The following AGBL3 variants were observed in gnomAD, a reference collection of about 807,000 sequenced individuals.
AGBL3 encodes cytosolic carboxypeptidase 3.
A neutral mutation model predicts 94.5 loss-of-function variants in AGBL3; 68 were observed. That is an observed-to-expected ratio of 0.72 (90% CI 0.59 to 0.88). The LOEUF (loss-of-function observed/expected upper bound fraction) is 0.88. Among genes scored for constraint, AGBL3 ranks in the 40% least tolerant of loss-of-function variants. The pLI, the probability that AGBL3 is intolerant of heterozygous loss-of-function variation, is 0.00. For synonymous variants in AGBL3, 354 were observed against 370.7 expected, an observed-to-expected ratio of 0.95 and a Z score of 0.52; for missense variants, 934 against 1,103.8, an observed-to-expected ratio of 0.85 and a Z score of 2.18.
chr7:135,015,867 GA>G (rs1220202544), intron 4 of AGBL3, among the ~76,000 whole-genome samples: 10 of 92,450 alleles, frequency 1.1e-4, no homozygotes, highest in African/African-American at 4.0e-4. Context: ...ACAAAAAAAA[GA>G]AAAAAAAAAA....
intron 4 of AGBL3, among the ~76,000 whole-genome samples, chr7:135,004,793 C>A (rs1812180967): frequency 6.6e-6 from 1 of 151,344 alleles, no homozygotes; most frequent in Non-Finnish European, 1.5e-5. Flanking sequence ...TTATTTTTCT[C>A]CCCTGAGTAT....
Position 135,076,523 on chromosome 7 carries a change from G to A in AGBL3, c.1980+55G>A, listed in dbSNP as rs572021108. The A allele has an allele frequency of 1.7e-5, 23 of 1,332,478 alleles. No homozygotes were observed. In the East Asian group the frequency reaches 5.8e-4, roughly 34 times the overall value. The allele number at this position is 1,332,478 out of a possible 1,614,324, so 82.5% of individuals were successfully genotyped here. A position where few individuals can be genotyped will look rare whatever the true frequency, so the allele number is the denominator to read the frequency against. On this transcript the variant is annotated intron_variant, in intron 13 of 16. Transcript: ENST00000436302. ...TTTTTTTAAATGAATGAAAGAGAAT[G>A]GCAAGTTATTTTCTCTTATACTTCT...
intron 8 of AGBL3, among the ~76,000 whole-genome samples, chr7:135,040,029 G>C (rs894946498): frequency 3.3e-5 from 5 of 151,810 alleles, no homozygotes; most frequent in African/African-American, 7.3e-5. Flanking sequence ...ATGAAAGAGA[G>C]GTATCACTAC....
At chr7:135,119,407 T>C (rs1246746199) in intron 16 of AGBL3, among the ~76,000 whole-genome samples, 1 of 151,822 alleles carries the variant, frequency 6.6e-6, no homozygotes. Flanking sequence ...ATTTTTGTAT[T>C]TTTAGTAGAG....
intron 3 of AGBL3, among the ~76,000 whole-genome samples, chr7:134,990,858 G>A (rs1401801498): frequency 1.3e-5 from 2 of 152,108 alleles, no homozygotes; most frequent in African/African-American, 4.8e-5. Flanking sequence ...TTTGTTGATT[G>A]CCTTTTGCCC....
intron 4 of AGBL3, chr7:135,012,055 G>T (rs1813223953): frequency 6.6e-6 from 1 of 152,054 alleles, no homozygotes; most frequent in African/African-American, 2.4e-5. Flanking sequence ...GTAACATTTT[G>T]TACAATATTA....
Position 135,119,076 on chromosome 7 carries a change from C to T in AGBL3, c.2342+3465C>T, listed in dbSNP as rs139323790. Among the ~76,000 whole-genome samples, 12 of 152,078 alleles carry T rather than the reference C, an allele frequency of 7.9e-5. No individual in the cohort carries two copies. The East Asian group carries it at 2.3e-3, about 29-fold the overall frequency. On this transcript the variant is annotated intron_variant, in intron 16 of 16. Transcript: ENST00000436302. ...TTCACATATCGTAGTTTCAGAAGGACAGGAGAATGAATATAGGGCTGAAAA... is the reference window on the plus strand; with the variant it reads ...TTCACATATCGTAGTTTCAGAAGGATAGGAGAATGAATATAGGGCTGAAAA...
At position 135,015,860 on chromosome 7, in the gene AGBL3, AAAAAAAG is replaced by A. The variant is rs1344320516; in HGVS notation, c.311-1185_311-1179del. Among the ~76,000 whole-genome samples, 29 of 91,032 alleles carry A rather than the reference AAAAAAAG, an allele frequency of 3.2e-4. 1 individual carries two copies. The highest frequency in any genetic ancestry group is 9.5e-4 in the African/African-American group (28 of 29,480). The allele number at this position is 91,032 out of a possible 152,430, so 59.7% of individuals were successfully genotyped here. A position where few individuals can be genotyped will look rare whatever the true frequency, so the allele number is the denominator to read the frequency against. Reference sequence around the variant, plus strand: ...AAACCCCGTCTCTACTAAAAATACAAAAAAAAGAAAAAAAAAAAAAATTAGCCGGGCG... The same window carrying A: ...AAACCCCGTCTCTACTAAAAATACAAAAAAAAAAAAAAAATTAGCCGGGCG... On this transcript the variant is annotated intron_variant, in intron 4 of 16. Transcript: ENST00000436302.
At chr7:135,096,604 G>GATAC (rs1822841835) in intron 15 of AGBL3, among the ~76,000 whole-genome samples, 1 of 79,722 alleles carries the variant, frequency 1.3e-5, no homozygotes, top group Non-Finnish European at 3.0e-5. Context: ...TAGATAGATA[G>GATAC]ATAGATAGAT....
At chr7:135,009,789 TA>T (rs1812877108) in intron 4 of AGBL3, among the ~76,000 whole-genome samples, 1 of 152,218 alleles carries the variant, frequency 6.6e-6, no homozygotes, top group East Asian at 1.9e-4. Context: ...ATTTGGCTTT[TA>T]AAAATTTATT....
chr7:135,104,960 G>T (rs1157196284), intron 15 of AGBL3, among the ~76,000 whole-genome samples: 1 of 151,270 alleles, frequency 6.6e-6, no homozygotes, highest in African/African-American at 2.4e-5. Flanking sequence ...TGCTTTTGTT[G>T]TGATTGCTTT....
intron 12 of AGBL3, among the ~76,000 whole-genome samples, chr7:135,072,775 A>AG (rs1304353902): frequency 1.2e-5 from 1 of 84,790 alleles, no homozygotes. Flanking sequence ...GGAGTGGGGG[A>AG]GGGGGGAGGG....
chr7:135,060,461 T>C (rs1818728630), intron 12 of AGBL3, among the ~76,000 whole-genome samples: 1 of 152,192 alleles, frequency 6.6e-6, no homozygotes, highest in Non-Finnish European at 1.5e-5. Flanking sequence ...TGTTGTTAAC[T>C]ATAGTCACAA....
At chr7:135,040,799 G>A (rs893510700) in intron 8 of AGBL3, among the ~76,000 whole-genome samples, 2 of 148,710 alleles carry the variant, frequency 1.3e-5, no homozygotes, top group Non-Finnish European at 3.0e-5. Context: ...GAAAGGTGAA[G>A]GCAGACAGAT....
chr7:135,080,548 G>A (rs1820829570), intron 14 of AGBL3, among the ~76,000 whole-genome samples: 1 of 152,104 alleles, frequency 6.6e-6, no homozygotes, highest in African/African-American at 2.4e-5. Flanking sequence ...CGTATTTCAG[G>A]GCTATCCCTA....
At chr7:135,073,800 T>A (rs1268711929) in intron 12 of AGBL3, among the ~76,000 whole-genome samples, 2 of 152,134 alleles carry the variant, frequency 1.3e-5, no homozygotes, top group East Asian at 3.9e-4. Flanking sequence ...TCACAGTGCC[T>A]TTTTTATGCA....
intron 13 of AGBL3, among the ~76,000 whole-genome samples, chr7:135,077,638 C>T (rs1820576324): frequency 6.6e-6 from 1 of 152,168 alleles, no homozygotes; most frequent in South Asian, 2.1e-4. Flanking sequence ...ATCTTACCAG[C>T]AGCAAATCCG....
intron 12 of AGBL3, 70 bp downstream of exon 12, chr7:135,059,305 C>A: frequency 2.8e-6 from 3 of 1,073,924 alleles, no homozygotes; most frequent in Admixed American, 3.6e-5. Context: ...GACTAATAAT[C>A]AGGCAAAAAA....
chr7:135,045,566 C>A lies in AGBL3; in HGVS notation c.1720C>A (p.Arg574=). The part of the protein sequence containing the change: ...DSLLDYCDPD[R]TKYYRCLKEL... ...TCTCTTGGATTATTGTGATCCCGAC[C>A]GGACCAAGGTAAGCAAAGTCCATTT... is the stretch of plus-strand genomic sequence containing the variant. Residue 574 remains arginine (R), a synonymous_variant, in exon 10 of 17, where the codon CGG becomes AGG. Transcript: ENST00000436302. 6.4e-7 allele frequency: 1 copy of A among 1,550,694 alleles called. No individual in the cohort carries two copies.
Sources: gnomAD v4.1 joint callset for allele counts (sites outside exome capture counted in the v4.1 genomes callset) on GRCh38, gnomAD v4.1.1 for gene constraint, MANE v1.5 for transcripts, NCBI Gene and HGNC (gene_info 2026-07-23, HGNC 2026-07-21) for gene names.